The following NIBAN2 variants were observed in gnomAD, a reference collection of about 807,000 sequenced individuals.
The protein encoded by NIBAN2 is protein Niban 2.
In NIBAN2, 36 loss-of-function variants were observed where a neutral mutation model predicts 81.8. The observed-to-expected ratio is 0.44, with a 90% CI of 0.34 to 0.58. NIBAN2 has a LOEUF of 0.58. Ranked by LOEUF, NIBAN2 falls within the 20% of genes least tolerant of loss-of-function variation. The pLI is 0.02. For missense variants in NIBAN2, 897 were observed against 1,014.1 expected (o/e 0.88, Z 1.57); for synonymous variants, 445 against 441.6 (o/e 1.01, Z -0.10).
intron 8 of NIBAN2, 142 bp from the exon 9 acceptor site, chr9:127,510,475 CG>C (rs2132154655): frequency 2.0e-6 from 1 of 511,660 alleles, no homozygotes. Flanking sequence ...CTCGCTCTGT[CG>C]CCCAGGCTGG....
intron 5 of NIBAN2, among the ~76,000 whole-genome samples, chr9:127,520,624 AG>A (rs1836919944): frequency 6.6e-6 from 1 of 152,172 alleles, no homozygotes; most frequent in African/African-American, 2.4e-5. Flanking sequence ...TTAAAAGAAT[AG>A]TACATTTTGG....
intron 2 of NIBAN2, 93 bp downstream of exon 2, chr9:127,531,555 G>A: frequency 7.9e-7 from 1 of 1,273,176 alleles, no homozygotes; most frequent in Non-Finnish European, 1.1e-6. Flanking sequence ...CAGTAACAAT[G>A]GGAAACTGAG....
At chr9:127,511,951 T>C (rs1184114368) in intron 8 of NIBAN2, among the ~76,000 whole-genome samples, 1 of 152,122 alleles carries the variant, frequency 6.6e-6, no homozygotes, top group Non-Finnish European at 1.5e-5. Context: ...TAACAAATGC[T>C]AGCGAGGATG....
At chr9:127,542,775 T>A (rs139785909) in intron 1 of NIBAN2, among the ~76,000 whole-genome samples, 3,003 of 152,306 alleles carry the variant, frequency 0.02, 91 homozygotes, top group African/African-American at 0.068. Flanking sequence ...CAGGCTGGAG[T>A]GCAGTGGCAC....
rs1023950484 is a variant in NIBAN2, at chr9:127,545,232, G to C, written c.56-13454C>G. Among the ~76,000 whole-genome samples the C allele has an allele frequency of 6.6e-6, 1 of 151,894 alleles. No individual in the cohort carries two copies. Among genetic ancestry groups the C allele is most frequent in the Non-Finnish European group, 1.5e-5 (1 of 67,980 alleles). ...CCCCAGGCTCAAGTGCCACCTCCTCGGAACCCTCCCTCCAGACAAGTCCCG... is the reference window on the plus strand; with the variant it reads ...CCCCAGGCTCAAGTGCCACCTCCTCCGAACCCTCCCTCCAGACAAGTCCCG... On this transcript the variant is annotated intron_variant, in intron 1 of 13. Transcript: ENST00000373312. The surrounding 1 kb of genome is among the most constrained non-coding windows in gnomAD (Gnocchi z 4.7).
At chr9:127,572,413 A>G (rs550165270), upstream of NIBAN2, among the ~76,000 whole-genome samples, 4 of 152,246 alleles carry the variant, frequency 2.6e-5, no homozygotes, top group South Asian at 2.1e-4. Context: ...CCTCGTCTTC[A>G]TAGAGGTTAT....
intron 1 of NIBAN2, 139 bp downstream of exon 1, chr9:127,568,679 GCA>G: frequency 1.4e-6 from 1 of 696,624 alleles, no homozygotes; most frequent in African/African-American, 1.9e-5. Flanking sequence ...CGGACGCGGG[GCA>G]CGCTCCCTGG....
At chr9:127,574,113 C>T (rs545898506) in intron 1 of NIBAN2, among the ~76,000 whole-genome samples, 31 of 152,310 alleles carry the variant, frequency 2.0e-4, no homozygotes, top group Admixed American at 7.8e-4. Flanking sequence ...AGACTCTGGA[C>T]GCTGTCTCTA....
In NIBAN2 at chr9:127,518,757, C is replaced by G. The variant is rs141976186; in HGVS notation, c.590-816G>C. ...AGGGACAGGAGATCAGGGTCCAGCA[C>G]TGCTCTGCGCCACACTTTTTATCAA... is the stretch of plus-strand genomic sequence containing the variant. On this transcript the variant is annotated intron_variant, in intron 5 of 13. Transcript: ENST00000373312. Among the ~76,000 whole-genome samples the G allele has an allele frequency of 2.1e-4, 32 of 152,338 alleles. 1 individual carries two copies. The highest frequency in any genetic ancestry group is 1.9e-3 in the East Asian group (10 of 5,184).
At position 127,507,422 on chromosome 9, in the gene NIBAN2, T is replaced by C. The variant is rs893611586; in HGVS notation, c.1664A>G (p.Glu555Gly). The change falls in exon 14 of 14, where the codon GAG (glutamate) becomes GGG (glycine). Residue 555 changes from glutamate (E) to glycine (G), a missense_variant. Physicochemically the swap from Glu to Gly is moderately conservative, Grantham distance 98. This residue lies in a region of NIBAN2 where 619 missense variants were observed against 691.0 expected (regional missense o/e 0.90). Coordinates refer to ENST00000373312, the MANE Select transcript of NIBAN2 (RefSeq NM_022833.4). This position sits in a 1 kb window ranked among gnomAD's most constrained non-coding sequence, Gnocchi z 6.8. The stretch of plus-strand genomic sequence containing the variant: ...GTTGTGCTTCCTCTGCACCGCGGCC[T>C]CCTTCACAGCTACAGGGCCACAGGG... ...VMKDILQAVK[E>G]AAVQRKHNLY... 2 of 1,509,602 alleles carry C rather than the reference T, an allele frequency of 1.3e-6. No individual in the cohort carries two copies. Among genetic ancestry groups the C allele is most frequent in the East Asian group, 4.6e-5 (2 of 43,742 alleles). The allele number at this position is 1,509,602 out of a possible 1,614,324, so 93.5% of individuals were successfully genotyped here.
chr9:127,517,146 C>A lies in NIBAN2; in HGVS notation c.776G>T (p.Gly259Val), dbSNP rs958664647. The A allele has an allele frequency of 6.2e-7, 1 of 1,614,068 alleles. No individual in the cohort carries two copies. Among genetic ancestry groups the A allele is most frequent in the East Asian group, 2.2e-5 (1 of 44,882 alleles). Reference sequence around the variant, plus strand: ...CTGCCGCTGCCGCTCCTGCGGTTTCCCCTTCAGCCGCGGGCCGAGCTCTGC... The same window carrying A: ...CTGCCGCTGCCGCTCCTGCGGTTTCACCTTCAGCCGCGGGCCGAGCTCTGC... The part of the protein sequence containing the change: ...LKAELGPRLK[G>V]KPQERQRQWI... Residue 259 changes from glycine to valine, a missense_variant, in exon 7 of 14, where the codon GGG becomes GTG. By Grantham distance (109) the Gly-to-Val change is moderately radical. This residue lies in a region of NIBAN2 where 619 missense variants were observed against 691.0 expected (regional missense o/e 0.90). Transcript: ENST00000373312. This position sits in a 1 kb window ranked among gnomAD's most constrained non-coding sequence, Gnocchi z 4.0.
rs1318349540 is a variant in NIBAN2, at chr9:127,563,365, G to A, written c.55+5455C>T. ...GACCCGGACCTTGGCTAAGGGCAGCGGCCCAGGCCCAGGCACTGCTTCCGG... is the reference window on the plus strand; with the variant it reads ...GACCCGGACCTTGGCTAAGGGCAGCAGCCCAGGCCCAGGCACTGCTTCCGG... On this transcript the variant is annotated intron_variant, in intron 1 of 13. Transcript: ENST00000373312. The surrounding 1 kb of genome is among the most constrained non-coding windows in gnomAD (Gnocchi z 4.1). Among the ~76,000 whole-genome samples the A allele has an allele frequency of 1.3e-5, 2 of 152,240 alleles. No individual in the cohort carries two copies. Among genetic ancestry groups the A allele is most frequent in the African/African-American group, 2.4e-5 (1 of 41,470 alleles).
Position 127,508,568 on chromosome 9 carries a change from C to T in NIBAN2, c.1318-30G>A, listed in dbSNP as rs1836662577. ...AGGGCATACCGCGGACATGTGAAGC[C>T]CCCAGGGTGACCACAGCCCCTTCCT... On this transcript the variant is annotated intron_variant, in intron 10 of 13. Coordinates refer to ENST00000373312, the MANE Select transcript of NIBAN2 (RefSeq NM_022833.4). The surrounding 1 kb of genome is among the most constrained non-coding windows in gnomAD (Gnocchi z 6.4). 6.3e-7 allele frequency: 1 copy of T among 1,578,502 alleles called. No homozygotes were observed. The highest frequency in any genetic ancestry group is 8.7e-7 in the Non-Finnish European group (1 of 1,149,416).
In NIBAN2 at chr9:127,507,753, G is replaced by A. The variant is rs1210693393; in HGVS notation, c.1654+114C>T. 11 of 944,372 alleles carry A rather than the reference G, an allele frequency of 1.2e-5. No individual in the cohort carries two copies. The highest frequency in any genetic ancestry group is 1.8e-5 in the Admixed American group (1 of 54,252). 58.5% of individuals were successfully genotyped at this position (944,372 alleles called of 1,614,324 possible). On this transcript the variant is annotated intron_variant, in intron 13 of 13. Coordinates refer to ENST00000373312, the MANE Select transcript of NIBAN2 (RefSeq NM_022833.4). This position sits in a 1 kb window ranked among gnomAD's most constrained non-coding sequence, Gnocchi z 6.8. ...AGAGTGGGCTTCACCCAGACCCCAG[G>A]TGCAAGTCTGGGCTTTTCTTTGAGC...
chr9:127,509,303 A>C (rs1325299462), intron 9 of NIBAN2, among the ~76,000 whole-genome samples, 172 bp from the exon 10 acceptor site: 1 of 152,188 alleles, frequency 6.6e-6, no homozygotes, highest in Non-Finnish European at 1.5e-5. Flanking sequence ...GGCCCAGGAC[A>C]GAAGCATGAG....
At chr9:127,516,160 C>T (rs775194057) in intron 8 of NIBAN2, among the ~76,000 whole-genome samples, 19 of 151,888 alleles carry the variant, frequency 1.3e-4, no homozygotes, top group Non-Finnish European at 2.1e-4. Flanking sequence ...ATAAAAAGAA[C>T]GTCCCATGGG....
intron 1 of NIBAN2, among the ~76,000 whole-genome samples, chr9:127,557,701 C>G (rs1040786994): frequency 2.0e-5 from 3 of 152,206 alleles, no homozygotes; most frequent in African/African-American, 4.8e-5. Context: ...AGGACCAGGC[C>G]GGCTCTCAGG....
chr9:127,524,977 A>C, intron 4 of NIBAN2, 81 bp downstream of exon 4: 1 of 1,059,690 alleles, frequency 9.4e-7, no homozygotes, highest in Non-Finnish European at 1.4e-6. Context: ...GCTGAAAGCA[A>C]TGGGCTCAGG....
intron 1 of NIBAN2, among the ~76,000 whole-genome samples, chr9:127,544,532 C>G (rs1050853339): frequency 6.6e-6 from 1 of 151,158 alleles, no homozygotes; most frequent in African/African-American, 2.4e-5. Flanking sequence ...AGATGGAGTC[C>G]CCACTCTGTT....
Sources: gnomAD v4.1 joint callset for allele counts (sites outside exome capture counted in the v4.1 genomes callset) on GRCh38, gnomAD v4.1.1 for gene constraint, gnomAD v4.1.1 regional missense constraint, Gnocchi (gnomAD v3.1) non-coding constraint, MANE v1.5 for transcripts, NCBI Gene and HGNC (gene_info 2026-07-23, HGNC 2026-07-21) for gene names.